The following FCHSD2 variants were observed in gnomAD, a reference collection of about 807,000 sequenced individuals.
FCHSD2 encodes FCH and double SH3 domains 2.
In FCHSD2, 38 loss-of-function variants were observed where a neutral mutation model predicts 108.1. The ratio of observed to expected loss-of-function variants is 0.35; its 90% CI spans 0.27 to 0.46. The LOEUF is 0.46. FCHSD2 is among the 20% of genes least tolerant of loss of function. FCHSD2 has a pLI of 1.00. For synonymous variants in FCHSD2, 279 were observed against 314.7 expected (o/e 0.89, Z 1.20); for missense variants, 751 against 897.8 (o/e 0.84, Z 2.09).
chr11:73,062,829 G>C (rs962324896), intron 3 of FCHSD2, among the ~76,000 whole-genome samples: 4 of 152,200 alleles, frequency 2.6e-5, no homozygotes, highest in Non-Finnish European at 5.9e-5. Context: ...ATCTGAAAGG[G>C]ACAAGGAGAA....
chr11:73,007,198 A>G (rs1426876997), intron 4 of FCHSD2, among the ~76,000 whole-genome samples: 1 of 152,236 alleles, frequency 6.6e-6, no homozygotes, highest in African/African-American at 2.4e-5. Context: ...TTAGGTTATA[A>G]CTAGTAAAAT....
At chr11:72,928,636 G>A (rs1480485272) in intron 8 of FCHSD2, among the ~76,000 whole-genome samples, 1 of 152,166 alleles carries the variant, frequency 6.6e-6, no homozygotes, top group Non-Finnish European at 1.5e-5. Context: ...TCTATGTGCT[G>A]TATGGGTATT....
chr11:73,002,796 C>A (rs1412408718), intron 4 of FCHSD2, among the ~76,000 whole-genome samples: 1 of 152,102 alleles, frequency 6.6e-6, no homozygotes, highest in South Asian at 2.1e-4. Context: ...ACCAAGCCAA[C>A]CCCCAAACTC....
intron 8 of FCHSD2, among the ~76,000 whole-genome samples, chr11:72,975,737 T>C (rs1857092544): frequency 6.6e-6 from 1 of 152,252 alleles, no homozygotes; most frequent in South Asian, 2.1e-4. Flanking sequence ...TTATATTTTC[T>C]AGATTTCTGC....
At chr11:72,869,407 T>C (rs1297511571) in intron 12 of FCHSD2, 1 of 120,538 alleles carries the variant, frequency 8.3e-6, no homozygotes, top group East Asian at 2.3e-4. Context: ...GGGGAGATAG[T>C]GAAGAAGGGA....
intron 10 of FCHSD2, among the ~76,000 whole-genome samples, chr11:72,890,992 A>C (rs1219609048): frequency 1.3e-5 from 2 of 152,214 alleles, no homozygotes; most frequent in African/African-American, 4.8e-5. Context: ...ATCACGGCTC[A>C]CTGCAGCCTC....
intron 3 of FCHSD2, among the ~76,000 whole-genome samples, chr11:73,058,400 T>C (rs898645854): frequency 2.0e-5 from 3 of 152,134 alleles, no homozygotes; most frequent in East Asian, 1.9e-4. Flanking sequence ...CTAGATGTCA[T>C]CACAATTTGC....
chr11:72,861,011 A>G (rs929686307), intron 13 of FCHSD2, among the ~76,000 whole-genome samples: 3 of 152,172 alleles, frequency 2.0e-5, no homozygotes, highest in Non-Finnish European at 4.4e-5. Flanking sequence ...AAAGGAGAAA[A>G]TTAAATCCAA....
intron 14 of FCHSD2, 108 bp downstream of exon 14, chr11:72,849,647 T>C: frequency 1.1e-6 from 1 of 872,034 alleles, no homozygotes; most frequent in Non-Finnish European, 1.8e-6. Context: ...AATATTAACC[T>C]AATAACAATT....
In FCHSD2 at chr11:73,015,867, T is replaced by C. The variant is rs770680422; in HGVS notation, c.184A>G (p.Ser62Gly). 1 of 1,600,108 alleles carries C rather than the reference T, an allele frequency of 6.2e-7. No homozygotes were observed. The highest frequency in any genetic ancestry group is 8.5e-7 in the Non-Finnish European group (1 of 1,170,112). The change falls in exon 4 of 20, where the codon AGT becomes GGT. Residue 62 changes from serine to glycine, a missense_variant. Coordinates refer to ENST00000409418, the MANE Select transcript of FCHSD2 (RefSeq NM_014824.3). ...GGCCAATCTCTCTTCAGGTATTGAC[T>C]AGCCAACTTCTGCATACCCTGTTAA... Reference protein sequence around the residue: ...EYAQGMQKLASQYLKRDWPGV... With the variant: ...EYAQGMQKLAGQYLKRDWPGV...
intron 2 of FCHSD2, among the ~76,000 whole-genome samples, chr11:73,102,767 G>A (rs1439154889): frequency 2.0e-5 from 3 of 152,120 alleles, no homozygotes; most frequent in African/African-American, 4.8e-5. Context: ...CCAGATGCTG[G>A]TGCCTTGATT....
chr11:73,139,217 A>G (rs1482725965), intron 2 of FCHSD2, among the ~76,000 whole-genome samples: 9 of 152,242 alleles, frequency 5.9e-5, no homozygotes, highest in Non-Finnish European at 1.5e-5. Flanking sequence ...CATGAAACCA[A>G]CACGAAGTTA....
rs59748827 is a variant in FCHSD2, at chr11:72,841,340, CAAAAAAAAAAAAA to C, written c.2056+101_2056+113del. On this transcript the variant is annotated intron_variant, in intron 18 of 19. Coordinates refer to ENST00000409418, the MANE Select transcript of FCHSD2 (RefSeq NM_014824.3). ...GCCCAGGTGACAGAGACTCTGTCTC[CAAAAAAAAAAAAA>C]AAAAAAAAAAAGCAAATGCAGTTTT... The C allele has an allele frequency of 7.8e-5, 29 of 373,872 alleles. 1 individual carries two copies. Among genetic ancestry groups the C allele is most frequent in the Admixed American group, 2.6e-4 (4 of 15,210 alleles). The allele number at this position is 373,872 out of a possible 1,614,324, so 23.2% of individuals were successfully genotyped here.
intron 14 of FCHSD2, among the ~76,000 whole-genome samples, chr11:72,848,784 A>C (rs1472243847): frequency 6.6e-6 from 1 of 152,208 alleles, no homozygotes; most frequent in East Asian, 1.9e-4. Flanking sequence ...AAGGAACTTA[A>C]ATTTTAGTTC....
intron 8 of FCHSD2, among the ~76,000 whole-genome samples, chr11:72,945,772 G>A (rs1341890667): frequency 2.0e-5 from 3 of 152,216 alleles, no homozygotes; most frequent in South Asian, 2.1e-4. Context: ...AGACATTTAT[G>A]CAGCCAAACG....
chr11:72,841,483 A>G lies in FCHSD2; in HGVS notation c.2027T>C (p.Leu676Pro), dbSNP rs1167719243. The change falls in exon 18 of 20, where the codon CTG becomes CCG. Residue 676 changes from leucine (L) to proline (P), a missense_variant. By Grantham distance (98) the Leu-to-Pro change is moderately conservative (BLOSUM62 -3). Coordinates refer to ENST00000409418, the MANE Select transcript of FCHSD2 (RefSeq NM_014824.3). ...TGCTGAAGGAGACCGGGGAAAGTAC[A>G]GGGAGCTCCTCTTATCTGGGCTGGG... ...PYPSPDKRSS[L>P]YFPRSPSANE... 3 of 1,610,520 alleles carry G rather than the reference A, an allele frequency of 1.9e-6. No individual in the cohort carries two copies. The highest frequency in any genetic ancestry group is 2.5e-6 in the Non-Finnish European group (3 of 1,178,532).
intron 2 of FCHSD2, among the ~76,000 whole-genome samples, chr11:73,121,300 T>C (rs1860729759): frequency 6.6e-6 from 1 of 152,120 alleles, no homozygotes; most frequent in African/African-American, 2.4e-5. Flanking sequence ...CCCCATCTCA[T>C]ATTTCAAATA....
chr11:72,903,151 C>T (rs1050305969), intron 9 of FCHSD2, among the ~76,000 whole-genome samples: 1 of 152,148 alleles, frequency 6.6e-6, no homozygotes, highest in Non-Finnish European at 1.5e-5. Flanking sequence ...TAATTACCAT[C>T]TTACAGCATA....
chr11:72,895,727 C>T (rs960938505), intron 10 of FCHSD2, among the ~76,000 whole-genome samples: 4 of 152,138 alleles, frequency 2.6e-5, no homozygotes, highest in South Asian at 2.1e-4. Context: ...ACAACCACTA[C>T]GAACACTTAA....
Sources: gnomAD v4.1 joint callset for allele counts (sites outside exome capture counted in the v4.1 genomes callset) on GRCh38, gnomAD v4.1.1 for gene constraint, MANE v1.5 for transcripts, NCBI Gene and HGNC (gene_info 2026-07-23, HGNC 2026-07-21) for gene names.